The following RBM20 variants were observed in gnomAD, a reference collection of about 807,000 sequenced individuals.
RBM20 encodes the protein RNA-binding protein 20.
RBM20 carries 51 observed loss-of-function variants against 110.1 expected under a neutral mutation model. The observed-to-expected ratio is 0.46, with a 90% CI of 0.37 to 0.59. The LOEUF (loss-of-function observed/expected upper bound fraction) is 0.59, where lower values mean the gene tolerates loss of function less well. Ranked by LOEUF, RBM20 falls within the 20% of genes least tolerant of loss-of-function variation. The probability of loss-of-function intolerance (pLI) is 0.00; values close to 1 mark genes in which losing one functional copy is unlikely to be tolerated. For synonymous variants in RBM20, 589 were observed against 618.2 expected, an observed-to-expected ratio of 0.95 and a Z score of 0.70; for missense variants, 1,512 against 1,574.9, an observed-to-expected ratio of 0.96 and a Z score of 0.68.
intron 7 of RBM20, among the ~76,000 whole-genome samples, chr10:110,804,328 G>C (rs1418532186): frequency 6.6e-6 from 1 of 152,174 alleles, no homozygotes; most frequent in Non-Finnish European, 1.5e-5. Context: ...AGGAGGGAGA[G>C]TGGCTACCGG....
rs539891999 is a variant in RBM20, at chr10:110,797,256, C to T, written c.1528-252C>T. ...GCAGTAAGCCGTGTTTGCACCACTGCGCTCTAGCCTGGGTGATGGGAGTGA... is the reference window on the plus strand; with the variant it reads ...GCAGTAAGCCGTGTTTGCACCACTGTGCTCTAGCCTGGGTGATGGGAGTGA... On this transcript the variant is annotated intron_variant, in intron 5 of 13. Transcript: ENST00000369519. Among the ~76,000 whole-genome samples the T allele has an allele frequency of 2.4e-3, 361 of 152,138 alleles. 2 individuals are homozygous for T. The highest frequency in any genetic ancestry group is 4.8e-3 in the Admixed American group (74 of 15,294).
At chr10:110,784,599 C>T (rs1304923965) in intron 4 of RBM20, among the ~76,000 whole-genome samples, 167 bp downstream of exon 4, 1 of 152,176 alleles carries the variant, frequency 6.6e-6, no homozygotes, top group Non-Finnish European at 1.5e-5. Flanking sequence ...CTGTCTGGGC[C>T]CATCAGTATT....
At position 110,703,003 on chromosome 10, in the gene RBM20, G is replaced by T. The variant is rs12356321; in HGVS notation, c.191+58358G>T. ...GGTTTTTTTTCTTGTTTTTTTTTTT[G>T]TTTTTTTTTTTGGTTGGCTTAATAC... On this transcript the variant is annotated intron_variant, in intron 1 of 13. Coordinates refer to ENST00000369519, the MANE Select transcript of RBM20 (RefSeq NM_001134363.3). Among the ~76,000 whole-genome samples the T allele has an allele frequency of 5.0e-3, 621 of 123,850 alleles. 5 individuals carry two copies. Among genetic ancestry groups the T allele is most frequent in the East Asian group, 0.036 (148 of 4,140 alleles). 81.3% of individuals were successfully genotyped at this position (123,850 alleles called of 152,430 possible).
At chr10:110,704,179 C>A (rs1862800321) in intron 1 of RBM20, among the ~76,000 whole-genome samples, 1 of 152,216 alleles carries the variant, frequency 6.6e-6, no homozygotes, top group Non-Finnish European at 1.5e-5. Flanking sequence ...TTCCACTCAG[C>A]ATAATTTCCT....
chr10:110,807,837 C>T (rs1844714549), intron 7 of RBM20, among the ~76,000 whole-genome samples: 1 of 152,210 alleles, frequency 6.6e-6, no homozygotes, highest in African/African-American at 2.4e-5. Flanking sequence ...GAAGAATTGC[C>T]ATATACATTT....
At chr10:110,709,391 A>C (rs887349667) in intron 1 of RBM20, among the ~76,000 whole-genome samples, 1 of 152,126 alleles carries the variant, frequency 6.6e-6, no homozygotes, top group Non-Finnish European at 1.5e-5. Context: ...ACAGCAGGCC[A>C]TTCTGGGAGC....
At chr10:110,671,743 ATATATATG>A (rs970966491) in intron 1 of RBM20, among the ~76,000 whole-genome samples, 67 of 152,226 alleles carry the variant, frequency 4.4e-4, no homozygotes, top group African/African-American at 1.5e-3. Context: ...TAAGATATAT[ATATATATG>A]TATATATATC....
chr10:110,826,285 A>G (rs1844979858), intron 12 of RBM20, among the ~76,000 whole-genome samples: 1 of 152,150 alleles, frequency 6.6e-6, no homozygotes, highest in South Asian at 2.1e-4. Context: ...GTGCATATCA[A>G]GTGCATAGTT....
At chr10:110,759,326 C>G (rs1010078992) in intron 1 of RBM20, among the ~76,000 whole-genome samples, 1 of 152,176 alleles carries the variant, frequency 6.6e-6, no homozygotes, top group Admixed American at 6.5e-5. Context: ...TCTGGCATAG[C>G]TTTTCTATTT....
intron 1 of RBM20, among the ~76,000 whole-genome samples, chr10:110,661,950 G>T (rs1862109992): frequency 6.6e-6 from 1 of 151,658 alleles, no homozygotes; most frequent in African/African-American, 2.4e-5. Flanking sequence ...GGCGGAAGCT[G>T]CAGTGAGCTG....
intron 6 of RBM20, among the ~76,000 whole-genome samples, chr10:110,798,940 C>T (rs1027561357): frequency 4.6e-5 from 7 of 152,152 alleles, no homozygotes; most frequent in African/African-American, 1.7e-4. Context: ...ACAGTCAAAA[C>T]GGTCTCTTTG....
chr10:110,708,066 C>T (rs888352441), intron 1 of RBM20, among the ~76,000 whole-genome samples: 5 of 152,250 alleles, frequency 3.3e-5, no homozygotes, highest in African/African-American at 9.6e-5. Context: ...AGTAAACACT[C>T]GGTTATAAAA....
Position 110,784,688 on chromosome 10 carries a change from T to C in RBM20, c.1430-104T>C, listed in dbSNP as rs940441649. ...ACAATCATGCCAATCACTAATAATA[T>C]GTGAAGGGGAAAGGTTCAGTTTTCT... is the stretch of plus-strand genomic sequence containing the variant. On this transcript the variant is annotated intron_variant, in intron 4 of 13. Transcript: ENST00000369519. The C allele has an allele frequency of 7.7e-6, 6 of 781,760 alleles. No homozygotes were observed. In the African/African-American group the frequency reaches 8.6e-5, roughly 11 times the overall value. 48.4% of individuals were successfully genotyped at this position (781,760 alleles called of 1,614,324 possible).
In RBM20 at chr10:110,644,551, C is replaced by T; in HGVS notation, c.97C>T (p.Pro33Ser). 3.3e-6 allele frequency: 5 copies of T among 1,526,322 alleles called. No homozygotes were observed. Among genetic ancestry groups the T allele is most frequent in the Non-Finnish European group, 4.4e-6 (5 of 1,140,332 alleles). The allele number at this position is 1,526,322 out of a possible 1,614,324, so 94.5% of individuals were successfully genotyped here. A position where few individuals can be genotyped will look rare whatever the true frequency, so the allele number is the denominator to read the frequency against. The change falls in exon 1 of 14, where the codon CCG (proline) becomes TCG (serine). Residue 33 changes from proline (P) to serine (S), a missense_variant. Coordinates refer to ENST00000369519, the MANE Select transcript of RBM20 (RefSeq NM_001134363.3). The surrounding 1 kb of genome is among the most constrained non-coding windows in gnomAD (Gnocchi z 4.3). ...CAGTGTGCCTGGTGCCCGGGCGTCC[C>T]CGGCACCCTCCGGCCCGCGAGGGAT... ...ACSVPGARAS[P>S]APSGPRGMQQ...
chr10:110,668,887 T>TA (rs74542918), intron 1 of RBM20, among the ~76,000 whole-genome samples: 4,232 of 141,456 alleles, frequency 0.03, 156 homozygotes, highest in African/African-American at 0.095. Context: ...GTATAACAAT[T>TA]AAAAAAAAAA....
intron 9 of RBM20, among the ~76,000 whole-genome samples, chr10:110,813,358 G>A (rs1189312398): frequency 6.6e-6 from 1 of 152,232 alleles, no homozygotes; most frequent in Non-Finnish European, 1.5e-5. Flanking sequence ...GGCCTGAGGT[G>A]TTTGCACCCA....
At chr10:110,658,337 G>A (rs1192042839) in intron 1 of RBM20, among the ~76,000 whole-genome samples, 2 of 152,158 alleles carry the variant, frequency 1.3e-5, no homozygotes, top group Non-Finnish European at 2.9e-5. Context: ...GTGAGTGAAT[G>A]GCGCTGTGTT....
chr10:110,823,520 G>A lies in RBM20; in HGVS notation c.3357G>A (p.Arg1119=), dbSNP rs1844943936. ...RYVEMKSLEV[R]SPEYTEVELK... ...TGGAAATGAAATCTCTGGAGGTGAG[G>A]TCACCAGAGTACACTGAAGTGGAAC... Residue 1119 remains arginine (R), a synonymous_variant, in exon 12 of 14, where the codon AGG becomes AGA. Coordinates refer to ENST00000369519, the MANE Select transcript of RBM20 (RefSeq NM_001134363.3). The A allele has an allele frequency of 1.3e-6, 2 of 1,546,902 alleles. No individual in the cohort carries two copies. The highest frequency in any genetic ancestry group is 1.4e-5 in the African/African-American group (1 of 71,454).
intron 12 of RBM20, 113 bp downstream of exon 12, chr10:110,823,727 TG>T: frequency 8.3e-7 from 1 of 1,203,426 alleles, no homozygotes; most frequent in Non-Finnish European, 1.2e-6. Flanking sequence ...CATCGTTTTT[TG>T]TTCTTTTGAG....
Sources: allele counts gnomAD v4.1 joint callset (sites outside exome capture counted in the v4.1 genomes callset), GRCh38; gene constraint gnomAD v4.1.1; non-coding constraint Gnocchi (gnomAD v3.1); transcripts MANE v1.5; gene names NCBI Gene and HGNC (gene_info 2026-07-23, HGNC 2026-07-21).